The following BMP8B variants were observed in gnomAD, a reference collection of about 807,000 sequenced individuals.
The protein encoded by BMP8B is bone morphogenetic protein 8 (osteogenic protein 2).
In BMP8B, 17 loss-of-function variants were observed where a neutral mutation model predicts 30.3. The ratio of observed to expected loss-of-function variants is 0.56; its 90% CI spans 0.38 to 0.84. BMP8B has a LOEUF of 0.84. Among genes scored for constraint, BMP8B ranks in the 40% least tolerant of loss-of-function variants. The pLI, the probability that BMP8B is intolerant of heterozygous loss-of-function variation, is 0.00. For missense variants in BMP8B, 253 were observed against 494.6 expected (o/e 0.51, Z 4.63); for synonymous variants, 131 against 214.7 (o/e 0.61, Z 3.41).
intron 1 of BMP8B, among the ~76,000 whole-genome samples, chr1:39,782,061 C>T (rs1304696942): frequency 1.3e-5 from 2 of 149,790 alleles, no homozygotes; most frequent in Non-Finnish European, 2.9e-5. Flanking sequence ...GAGGGTGAGA[C>T]AGAAGAATTG....
At position 39,759,287 on chromosome 1, in the gene BMP8B, T is replaced by G. The variant is rs1648632800; in HGVS notation, c.*1132A>C. 6.6e-6 allele frequency: 1 copy of G among 152,416 alleles called. No individual in the cohort carries two copies. The highest frequency in any genetic ancestry group is 6.5e-5 in the Admixed American group (1 of 15,292). 9.4% of individuals were successfully genotyped at this position (152,416 alleles called of 1,614,324 possible). A position where few individuals can be genotyped will look rare whatever the true frequency, so the allele number is the denominator to read the frequency against. ...AGACACAGGACAGGGCTGCTGGGCA[T>G]CCAGGGTGACACTGACTTTGGTGAT... On this transcript the variant is annotated 3_prime_UTR_variant, in exon 7 of 7. Transcript: ENST00000372827.
intron 1 of BMP8B, among the ~76,000 whole-genome samples, chr1:39,786,744 C>T (rs1237395799): frequency 6.6e-6 from 1 of 152,198 alleles, no homozygotes; most frequent in African/African-American, 2.4e-5. Context: ...CCACCCTGTC[C>T]TCTAACTACA....
intron 1 of BMP8B, among the ~76,000 whole-genome samples, chr1:39,783,639 G>A (rs1206538064): frequency 1.3e-5 from 2 of 152,236 alleles, no homozygotes; most frequent in Non-Finnish European, 2.9e-5. Context: ...TGGGCACAGT[G>A]GTTCATGCCT....
chr1:39,758,556 C>T lies in BMP8B; in HGVS notation c.*1863G>A, dbSNP rs970304785. The T allele has an allele frequency of 6.6e-6, 1 of 152,284 alleles. No individual in the cohort carries two copies. Among genetic ancestry groups the T allele is most frequent in the African/African-American group, 2.4e-5 (1 of 41,454 alleles). 9.4% of individuals were successfully genotyped at this position (152,284 alleles called of 1,614,324 possible). A position where few individuals can be genotyped will look rare whatever the true frequency, so the allele number is the denominator to read the frequency against. On this transcript the variant is annotated 3_prime_UTR_variant, in exon 7 of 7. Transcript: ENST00000372827. ...TCCATGTTATGTGCCAACTCTGCTT[C>T]GTGACAGCCACCAGAGCCCCACATT...
At chr1:39,780,169 C>G (rs1170445171) in intron 1 of BMP8B, among the ~76,000 whole-genome samples, 3 of 152,208 alleles carry the variant, frequency 2.0e-5, no homozygotes, top group Admixed American at 6.5e-5. Context: ...CACAGACCAG[C>G]ACTGGCACAG....
rs534438309 is a variant in BMP8B at position 39,766,076 on chromosome 1, A to T, written c.674-1259T>A. On this transcript the variant is annotated intron_variant, in intron 3 of 6. Transcript: ENST00000372827. ...ACACAAAACTTTTTCTGGTTGTTTAAATAAGTCTCCACAATAAACATTTCA... is the reference window on the plus strand; with the variant it reads ...ACACAAAACTTTTTCTGGTTGTTTATATAAGTCTCCACAATAAACATTTCA... Among the ~76,000 whole-genome samples the T allele has an allele frequency of 3.3e-5, 5 of 151,814 alleles. No individual in the cohort carries two copies. The South Asian group carries it at 1.0e-3, about 31-fold the overall frequency.
At position 39,757,697 on chromosome 1, in the gene BMP8B, G is replaced by C. The variant is rs1648435653; in HGVS notation, c.*2722C>G. The C allele has an allele frequency of 2.0e-5, 3 of 152,292 alleles. No homozygotes were observed. The highest frequency in any genetic ancestry group is 7.2e-5 in the African/African-American group (3 of 41,540). 9.4% of individuals were successfully genotyped at this position (152,292 alleles called of 1,614,324 possible). On this transcript the variant is annotated 3_prime_UTR_variant, in exon 7 of 7. Coordinates refer to ENST00000372827, the MANE Select transcript of BMP8B (RefSeq NM_001720.5). ...TCATCTGGTGCAACGAGATAAACAG[G>C]CCATGCCCTGAGCAAAGAAAAGGGA...
At position 39,760,170 on chromosome 1, in the gene BMP8B, G is replaced by A. The variant is rs937694919; in HGVS notation, c.*249C>T. The A allele has an allele frequency of 6.4e-6, 4 of 620,578 alleles. No homozygotes were observed. The African/African-American group carries it at 7.4e-5, about 11-fold the overall frequency. 38.4% of individuals were successfully genotyped at this position (620,578 alleles called of 1,614,324 possible). A position where few individuals can be genotyped will look rare whatever the true frequency, so the allele number is the denominator to read the frequency against. On this transcript the variant is annotated 3_prime_UTR_variant, in exon 7 of 7. Coordinates refer to ENST00000372827, the MANE Select transcript of BMP8B (RefSeq NM_001720.5). ...GGACATGCCTCCGGGAGAGGCGTTT[G>A]CATTTGGGTAGAACACTGCCTGATG... is the stretch of plus-strand genomic sequence containing the variant.
In BMP8B at chr1:39,782,602, G is replaced by C. The variant is rs932279924; in HGVS notation, c.334+5550C>G. Among the ~76,000 whole-genome samples the C allele has an allele frequency of 5.9e-5, 9 of 152,052 alleles. No individual in the cohort carries two copies. The South Asian group carries it at 6.2e-4, about 11-fold the overall frequency. ...CCTGCCTCAGCCTCCCAAGTAGCTG[G>C]GATTACAGGCGCCTGCCACCACAGC... On this transcript the variant is annotated intron_variant, in intron 1 of 6. Coordinates refer to ENST00000372827, the MANE Select transcript of BMP8B (RefSeq NM_001720.5).
chr1:39,775,435 C>T (rs528734449), intron 1 of BMP8B, among the ~76,000 whole-genome samples: 1 of 152,280 alleles, frequency 6.6e-6, no homozygotes, highest in Admixed American at 6.5e-5. Context: ...AGAAAAGGGC[C>T]CCAGCCCTGC....
intron 3 of BMP8B, chr1:39,769,981 G>C: frequency 6.5e-7 from 1 of 1,534,918 alleles, no homozygotes; most frequent in Non-Finnish European, 8.8e-7. Context: ...TGGACACCAA[G>C]TCCATGGCAC....
Position 39,770,484 on chromosome 1 carries a change from C to G in BMP8B, c.673+3824G>C, listed in dbSNP as rs370989913. 3.7e-6 allele frequency: 6 copies of G among 1,610,262 alleles called. No individual in the cohort carries two copies. The highest frequency in any genetic ancestry group is 5.1e-6 in the Non-Finnish European group (6 of 1,179,220). On this transcript the variant is annotated intron_variant, in intron 3 of 6. Coordinates refer to ENST00000372827, the MANE Select transcript of BMP8B (RefSeq NM_001720.5). ...ACATAAATGTTAGGAACGTGGATGT[C>G]TTCTGGGGGGAAAGCCCCCACCTCC...
chr1:39,788,699 G>A lies in BMP8B; in HGVS notation c.-214C>T, dbSNP rs1262228392. ...TCCTGGCTCCTGGACGAGAGGACGC[G>A]GACGCCACCGCCTCGAGGCCGGGGC... On this transcript the variant is annotated 5_prime_UTR_variant, in exon 1 of 7. Coordinates refer to ENST00000372827, the MANE Select transcript of BMP8B (RefSeq NM_001720.5). This position sits in a 1 kb window ranked among gnomAD's most constrained non-coding sequence, Gnocchi z 5.8. 2 of 244,400 alleles carry A rather than the reference G, an allele frequency of 8.2e-6. No homozygotes were observed. The highest frequency in any genetic ancestry group is 1.3e-5 in the Non-Finnish European group (2 of 152,890). 15.1% of individuals were successfully genotyped at this position (244,400 alleles called of 1,614,324 possible).
chr1:39,776,673 A>C (rs2300743), intron 1 of BMP8B, among the ~76,000 whole-genome samples: 9,841 of 152,326 alleles, frequency 0.065, 775 homozygotes, highest in African/African-American at 0.18. Context: ...CTTGTCCCAC[A>C]GCACCCAAGG....
chr1:39,787,288 G>T (rs1358582805), intron 1 of BMP8B, among the ~76,000 whole-genome samples: 1 of 152,210 alleles, frequency 6.6e-6, no homozygotes, highest in Non-Finnish European at 1.5e-5. Context: ...ACTTTGGGCT[G>T]ATCTGTGGTC....
At chr1:39,762,482 G>C in intron 6 of BMP8B, 1 of 1,539,850 alleles carries the variant, frequency 6.5e-7, no homozygotes, top group Non-Finnish European at 8.8e-7. Flanking sequence ...AGCAGCACCA[G>C]TGATCCCATC....
Position 39,757,594 on chromosome 1 carries a change from C to G in BMP8B, c.*2825G>C, listed in dbSNP as rs964645114. 2.6e-5 allele frequency: 4 copies of G among 152,308 alleles called. No individual in the cohort carries two copies. Among genetic ancestry groups the G allele is most frequent in the Non-Finnish European group, 4.4e-5 (3 of 68,072 alleles). The allele number at this position is 152,308 out of a possible 1,614,324, so 9.4% of individuals were successfully genotyped here. On this transcript the variant is annotated 3_prime_UTR_variant, in exon 7 of 7. Transcript: ENST00000372827. Reference sequence around the variant, plus strand: ...CTCTTTTGCCTGTTGTATGCGTCCTCTCTTCCTGTCAACTGTCATTGATTT... The same window carrying G: ...CTCTTTTGCCTGTTGTATGCGTCCTGTCTTCCTGTCAACTGTCATTGATTT...
Position 39,762,795 on chromosome 1 carries a change from A to G in BMP8B, c.1059+297T>C. ...ATCTGTTTCATGTGCTGTGCCTCTGAGCGCTGCACACAGGTGCGTAAGTGT... is the reference window on the plus strand; with the variant it reads ...ATCTGTTTCATGTGCTGTGCCTCTGGGCGCTGCACACAGGTGCGTAAGTGT... On this transcript the variant is annotated intron_variant, in intron 6 of 6. Transcript: ENST00000372827. 4.0e-6 allele frequency: 5 copies of G among 1,243,668 alleles called. No individual in the cohort carries two copies. In the South Asian group the frequency reaches 7.9e-5, roughly 20 times the overall value. The allele number at this position is 1,243,668 out of a possible 1,614,324, so 77.0% of individuals were successfully genotyped here.
intron 1 of BMP8B, among the ~76,000 whole-genome samples, chr1:39,775,926 G>A (rs1378446995): frequency 7.2e-5 from 11 of 152,278 alleles, no homozygotes; most frequent in South Asian, 6.2e-4. Context: ...GGTGGAGAAG[G>A]TGGCAGGGAG....
Sources: allele counts gnomAD v4.1 joint callset (sites outside exome capture counted in the v4.1 genomes callset), GRCh38; gene constraint gnomAD v4.1.1; non-coding constraint Gnocchi (gnomAD v3.1); transcripts MANE v1.5; gene names NCBI Gene and HGNC (gene_info 2026-07-23, HGNC 2026-07-21).